PATJ: variants seen among roughly 807,000 people sequenced by gnomAD.
PATJ encodes the protein PATJ crumbs cell polarity complex component, also known as inaD-like protein.
Under a neutral mutation model 224.9 loss-of-function variants are expected in PATJ, and 190 were observed. The observed-to-expected ratio is 0.84, with a 90% CI of 0.75 to 0.95. The LOEUF (loss-of-function observed/expected upper bound fraction) is 0.95, where lower values mean the gene tolerates loss of function less well. Among genes scored for constraint, PATJ ranks in the 40% least tolerant of loss-of-function variants. The pLI is 0.00. For missense variants in PATJ, 2,121 were observed against 2,270.3 expected (o/e 0.93, Z 1.34); for synonymous variants, 769 against 820.3 (o/e 0.94, Z 1.07).
chr1:62,093,549 A>G (rs559286794), intron 33 of PATJ, among the ~76,000 whole-genome samples: 2 of 152,330 alleles, frequency 1.3e-5, no homozygotes, highest in South Asian at 2.1e-4. Flanking sequence ...ATATTTTTAT[A>G]CAAAACATCT....
At chr1:62,151,794 G>A (rs72677984) in intron 42 of PATJ, among the ~76,000 whole-genome samples, 5,270 of 152,222 alleles carry the variant, frequency 0.035, 109 homozygotes, top group Non-Finnish European at 0.046. Context: ...GCCAGTACAC[G>A]AATATGAACT....
chr1:61,794,261 T>TCAGCCTC (rs1650558454), intron 9 of PATJ, among the ~76,000 whole-genome samples: 1 of 151,890 alleles, frequency 6.6e-6, no homozygotes, highest in Non-Finnish European at 1.5e-5. Context: ...TTCTCATGCC[T>TCAGCCTC]CAGCCTCCAG....
chr1:61,754,164 C>A (rs1229448717), intron 1 of PATJ, among the ~76,000 whole-genome samples: 1 of 152,186 alleles, frequency 6.6e-6, no homozygotes, highest in South Asian at 2.1e-4. Flanking sequence ...CTAGCTGTGA[C>A]CAATTGTAGG....
intron 1 of PATJ, among the ~76,000 whole-genome samples, chr1:61,747,872 A>T (rs1296344558): frequency 2.6e-5 from 4 of 152,236 alleles, no homozygotes; most frequent in Non-Finnish European, 5.9e-5. Context: ...TACACACAAG[A>T]TTTTGAACAG....
At chr1:62,008,181 T>C (rs1200371647) in intron 28 of PATJ, among the ~76,000 whole-genome samples, 1 of 152,188 alleles carries the variant, frequency 6.6e-6, no homozygotes, top group Non-Finnish European at 1.5e-5. Context: ...TAGCCTATGT[T>C]ATATGCTCCT....
At chr1:62,095,150 C>T (rs1455052548) in intron 33 of PATJ, among the ~76,000 whole-genome samples, 1 of 151,980 alleles carries the variant, frequency 6.6e-6, no homozygotes, top group Non-Finnish European at 1.5e-5. Context: ...TTATCGTGAC[C>T]CATGGTGGGA....
intron 41 of PATJ, among the ~76,000 whole-genome samples, chr1:62,145,007 G>T (rs1487069870): frequency 6.6e-6 from 1 of 151,990 alleles, no homozygotes; most frequent in Non-Finnish European, 1.5e-5. Flanking sequence ...TAGAGACAGA[G>T]TTTTGCCATG....
intron 1 of PATJ, among the ~76,000 whole-genome samples, chr1:61,745,823 C>T (rs1038324887): frequency 6.6e-6 from 1 of 151,828 alleles, no homozygotes; most frequent in Admixed American, 6.6e-5. Flanking sequence ...AGGCTGGTCT[C>T]GAACTCCTGA....
At chr1:61,937,799 C>T (rs145382788) in intron 27 of PATJ, among the ~76,000 whole-genome samples, 325 of 152,024 alleles carry the variant, frequency 2.1e-3, no homozygotes, top group African/African-American at 7.4e-3. Flanking sequence ...TACAGGCATG[C>T]GCCACCACAC....
chr1:62,047,334 G>A (rs895541112), intron 30 of PATJ, among the ~76,000 whole-genome samples: 10 of 152,172 alleles, frequency 6.6e-5, no homozygotes, highest in Non-Finnish European at 1.3e-4. Flanking sequence ...TCGGCTCACC[G>A]CAACCTCTGC....
At chr1:62,153,748 A>AC (rs1394983639) in intron 43 of PATJ, among the ~76,000 whole-genome samples, 2 of 152,158 alleles carry the variant, frequency 1.3e-5, no homozygotes, top group African/African-American at 4.8e-5. Context: ...TTTCAGCAAC[A>AC]CAGCATAAGG....
intron 27 of PATJ, among the ~76,000 whole-genome samples, chr1:61,932,667 A>G (rs934327064): frequency 6.6e-6 from 1 of 152,228 alleles, no homozygotes; most frequent in Non-Finnish European, 1.5e-5. Flanking sequence ...TGGGAGGCCG[A>G]GGTGGGTGGA....
At chr1:61,842,386 T>C (rs1661238977) in intron 17 of PATJ, among the ~76,000 whole-genome samples, 1 of 152,132 alleles carries the variant, frequency 6.6e-6, no homozygotes, top group Non-Finnish European at 1.5e-5. Flanking sequence ...TTGTGTCTAG[T>C]GGGGGCGAAA....
At chr1:61,746,349 C>A (rs1454105965) in intron 1 of PATJ, among the ~76,000 whole-genome samples, 1 of 152,110 alleles carries the variant, frequency 6.6e-6, no homozygotes, top group African/African-American at 2.4e-5. Flanking sequence ...AAGTGTTGGG[C>A]TTACAGGCGT....
chr1:62,115,275 A>G (rs956391618), intron 35 of PATJ, among the ~76,000 whole-genome samples: 1 of 152,118 alleles, frequency 6.6e-6, no homozygotes, highest in Non-Finnish European at 1.5e-5. Flanking sequence ...ACGCCATTGC[A>G]TTCCAGCCTG....
chr1:61,917,043 G>A (rs1468715740), intron 26 of PATJ, among the ~76,000 whole-genome samples: 1 of 152,174 alleles, frequency 6.6e-6, no homozygotes, highest in African/African-American at 2.4e-5. Context: ...CAACTGAGGA[G>A]GTTAGGAATC....
chr1:61,934,590 AC>A (rs1240960851), intron 27 of PATJ, among the ~76,000 whole-genome samples: 3 of 152,020 alleles, frequency 2.0e-5, no homozygotes, highest in Middle Eastern at 3.2e-3. Context: ...GCTTAGTGTC[AC>A]CTCCTTTGGA....
intron 1 of PATJ, among the ~76,000 whole-genome samples, chr1:61,746,077 C>T (rs1645008823): frequency 6.6e-6 from 1 of 150,636 alleles, no homozygotes; most frequent in African/African-American, 2.4e-5. Context: ...CTCAGGTGTG[C>T]GCCACCACCA....
At chr1:61,892,785 G>A (rs1212464041) in intron 22 of PATJ, among the ~76,000 whole-genome samples, 6 of 151,774 alleles carry the variant, frequency 4.0e-5, no homozygotes, top group South Asian at 2.1e-4. Context: ...AGGGTGGCAC[G>A]TTTGTTACAA....
Sources: allele counts gnomAD v4.1 joint callset (sites outside exome capture counted in the v4.1 genomes callset), GRCh38; gene constraint gnomAD v4.1.1; transcripts MANE v1.5; gene names NCBI Gene and HGNC (gene_info 2026-07-23, HGNC 2026-07-21).